Variants in PRODH2 observed in about 807,000 individuals in gnomAD.
The protein encoded by PRODH2 is proline dehydrogenase 2.
In PRODH2, 49 loss-of-function variants were observed where a neutral mutation model predicts 51.9. The ratio of observed to expected loss-of-function variants is 0.94; its 90% confidence interval spans 0.75 to 1.20. The LOEUF (loss-of-function observed/expected upper bound fraction) is 1.20, where lower values mean the gene tolerates loss of function less well. Ranked by LOEUF, PRODH2 falls within the 50% of genes most tolerant of loss-of-function variation. The pLI is 0.00. For missense variants in PRODH2, 597 were observed against 610.9 expected, an observed-to-expected ratio of 0.98 and a Z score of 0.24; for synonymous variants, 249 against 260.7, an observed-to-expected ratio of 0.96 and a Z score of 0.43.
intron 9 of PRODH2, among the ~76,000 whole-genome samples, chr19:35,800,813 C>G (rs1972411531): frequency 6.6e-6 from 1 of 152,132 alleles, no homozygotes; most frequent in South Asian, 2.1e-4. Flanking sequence ...CCACCTCAGC[C>G]TCCTGAATAG....
chr19:35,803,003 G>T lies in PRODH2; in HGVS notation c.1077C>A (p.Ser359=). 6.3e-7 allele frequency: 1 copy of T among 1,575,042 alleles called. No individual in the cohort carries two copies. The highest frequency in any genetic ancestry group is 2.3e-5 in the East Asian group (1 of 43,554). The change falls in exon 8 of 10, where the codon TCC becomes TCA. Residue 359 remains serine (S), a synonymous_variant. Transcript: ENST00000653904. The part of the protein sequence containing the change: ...HGPMCHLMVA[S]HNEESVRQAT... ...CCTGGCGAACAGATTCCTCATTGTG[G>T]GAAGCCACCATGAGGTGGCACATGG...
rs1972523943 is a variant in PRODH2 at position 35,806,928 on chromosome 19, G to A, written c.679-98C>T. ...GGGGTTACCTGTGCCACCCGATGCA[G>A]GCGGCTGAGGGAGGCCCGGAGGTGC... On this transcript the variant is annotated intron_variant, in intron 5 of 9. Transcript: ENST00000653904. 7 of 1,544,852 alleles carry A rather than the reference G, an allele frequency of 4.5e-6. No individual in the cohort carries two copies. In the South Asian group the frequency reaches 8.6e-5, roughly 19 times the overall value.
chr19:35,801,239 G>A (rs925020317), intron 9 of PRODH2, among the ~76,000 whole-genome samples: 27 of 152,084 alleles, frequency 1.8e-4, no homozygotes, highest in Admixed American at 1.4e-3. Flanking sequence ...GCCAAGGCAG[G>A]CAGATCACCT....
At chr19:35,806,231 A>C (rs1204515641) in intron 7 of PRODH2, among the ~76,000 whole-genome samples, 199 bp downstream of exon 7, 1 of 152,038 alleles carries the variant, frequency 6.6e-6, no homozygotes, top group Non-Finnish European at 1.5e-5. Context: ...AACCACAGGC[A>C]TGTGCTACCA....
intron 4 of PRODH2, among the ~76,000 whole-genome samples, chr19:35,807,450 C>T (rs1972532242): frequency 6.6e-6 from 1 of 152,050 alleles, no homozygotes; most frequent in Admixed American, 6.6e-5. Flanking sequence ...TTACAGGCGC[C>T]CGCCACCATG....
chr19:35,801,523 GAGACACACAGC>G (rs1177019732), intron 9 of PRODH2, among the ~76,000 whole-genome samples: 1 of 151,940 alleles, frequency 6.6e-6, no homozygotes. Context: ...AGAGAGAGAA[GAGACACACAGC>G]AAGCCACTTC....
intron 4 of PRODH2, among the ~76,000 whole-genome samples, chr19:35,810,786 G>T (rs909060292): frequency 6.6e-6 from 1 of 152,150 alleles, no homozygotes; most frequent in African/African-American, 2.4e-5. Context: ...CTCCCAAAGT[G>T]CTGGGATTAC....
chr19:35,803,963 T>G (rs946722578), intron 7 of PRODH2, among the ~76,000 whole-genome samples: 4 of 152,164 alleles, frequency 2.6e-5, no homozygotes, highest in Admixed American at 2.0e-4. Context: ...CAGACCTGTT[T>G]TCTACCCTTC....
At chr19:35,805,622 T>C (rs970065198) in intron 7 of PRODH2, among the ~76,000 whole-genome samples, 1 of 151,984 alleles carries the variant, frequency 6.6e-6, no homozygotes, top group Non-Finnish European at 1.5e-5. Flanking sequence ...GTTGTGCAGA[T>C]TGGGCTCAAA....
At chr19:35,809,952 C>T (rs185676173) in intron 4 of PRODH2, among the ~76,000 whole-genome samples, 17 of 45,370 alleles carry the variant, frequency 3.7e-4, no homozygotes, top group African/African-American at 1.0e-3. Context: ...GAGCCAGATG[C>T]CGCTTCAAAA....
chr19:35,802,554 T>C, intron 8 of PRODH2: 5 of 522,094 alleles, frequency 9.6e-6, no homozygotes, highest in South Asian at 9.0e-5. Flanking sequence ...CAGGGGTTAA[T>C]GTGTTTGTTT....
At chr19:35,801,067 G>A (rs564038576) in intron 9 of PRODH2, among the ~76,000 whole-genome samples, 10 of 152,064 alleles carry the variant, frequency 6.6e-5, no homozygotes, top group South Asian at 2.1e-4. Context: ...CTGGGGAGGC[G>A]GAGGCAGGAG....
intron 4 of PRODH2, among the ~76,000 whole-genome samples, chr19:35,809,100 ATTTC>A (rs1173733862): frequency 7.5e-6 from 1 of 133,740 alleles, no homozygotes; most frequent in African/African-American, 3.0e-5. Flanking sequence ...TTCTTTCTTT[ATTTC>A]TTTCTTCCTT....
intron 4 of PRODH2, among the ~76,000 whole-genome samples, chr19:35,810,184 G>C (rs1003732620): frequency 3.8e-4 from 56 of 148,878 alleles, no homozygotes; most frequent in African/African-American, 1.4e-3. Context: ...AGGAGAACCC[G>C]GGAGGCGGAG....
chr19:35,807,555 G>A (rs1210747300), intron 4 of PRODH2, among the ~76,000 whole-genome samples: 3 of 151,498 alleles, frequency 2.0e-5, no homozygotes, highest in South Asian at 2.1e-4. Flanking sequence ...TGCCCACATC[G>A]GCCTCCCAAA....
Position 35,812,688 on chromosome 19 carries a change from C to A in PRODH2, c.118G>T (p.Ala40Ser). 1 of 1,607,706 alleles carries A rather than the reference C, an allele frequency of 6.2e-7. No homozygotes were observed. The highest frequency in any genetic ancestry group is 8.5e-7 in the Non-Finnish European group (1 of 1,175,808). ...HLKGTGELTR[A>S]LLVLRLCAWP... ...GCACACAGCCGGAGAACCAGCAAGG[C>A]CCGTGTCAGCTCTCCTGTGCCCTTA... Residue 40 changes from alanine to serine, a missense_variant, in exon 1 of 10, where the codon GCC (alanine) becomes TCC (serine). By Grantham distance (99) the Ala-to-Ser change is moderately conservative. Transcript: ENST00000653904.
chr19:35,800,038 C>T lies in PRODH2; in HGVS notation c.1383G>A (p.Ter461=). 6.2e-7 allele frequency: 1 copy of T among 1,609,838 alleles called. No homozygotes were observed. The highest frequency in any genetic ancestry group is 1.3e-5 in the African/African-American group (1 of 74,968). Residue 461 remains the stop codon, a stop_retained_variant, in exon 10 of 10, where the codon TAG becomes TAA. Coordinates refer to ENST00000653904, the MANE Select transcript of PRODH2 (RefSeq NM_021232.2). The part of the protein sequence containing the change: ...LLPGCRRIPH[*] The stretch of plus-strand genomic sequence containing the variant: ...TGACCACATGACCCCCTCAGGGGTG[C>T]TAGTGGGGTATCCTTCGGCATCCTG...
In PRODH2 at chr19:35,812,263, C is replaced by T. The variant is rs975852446; in HGVS notation, c.381G>A (p.Trp127Ter). 2 of 1,613,508 alleles carry T rather than the reference C, an allele frequency of 1.2e-6. No individual in the cohort carries two copies. The highest frequency in any genetic ancestry group is 2.2e-5 in the South Asian group (2 of 91,052). Residue 127 changes from tryptophan to a stop codon, truncating the protein, a stop_gained, in exon 3 of 10, where the codon TGG becomes TGA. Coordinates refer to ENST00000653904, the MANE Select transcript of PRODH2 (RefSeq NM_021232.2). LOFTEE classifies it high-confidence loss of function. ...GCATAGCACCGAGGTTCCCCTCATA[C>T]CACGCCTCACTGCCCAGCCAGCAGG... ...PDSAAKSGEA[W>*]YEGNLGAMLR... is the part of the protein sequence containing the mutation.
At chr19:35,803,359 A>T (rs1972462675) in intron 7 of PRODH2, among the ~76,000 whole-genome samples, 1 of 152,006 alleles carries the variant, frequency 6.6e-6, no homozygotes, top group African/African-American at 2.4e-5. Context: ...GGTTCAAGGG[A>T]TTCTCCTGCC....
Sources: allele counts gnomAD v4.1 joint callset (sites outside exome capture counted in the v4.1 genomes callset), GRCh38; gene constraint gnomAD v4.1.1; transcripts MANE v1.5; gene names NCBI Gene and HGNC (gene_info 2026-07-23, HGNC 2026-07-21).